The following USP24 variants were observed in gnomAD, a reference collection of about 807,000 sequenced individuals.
The protein encoded by USP24 is ubiquitin carboxyl-terminal hydrolase 24.
USP24 carries 97 observed loss-of-function variants against 361.6 expected under a neutral mutation model. That is an observed-to-expected ratio of 0.27 (90% CI 0.23 to 0.32). USP24 has a LOEUF of 0.32. Among genes scored for constraint, USP24 ranks in the 10% least tolerant of loss-of-function variants. The pLI is 1.00. For missense variants in USP24, 2,353 were observed against 3,165.6 expected, an observed-to-expected ratio of 0.74 and a Z score of 6.16; for synonymous variants, 1,098 against 1,124.6, an observed-to-expected ratio of 0.98 and a Z score of 0.47.
Position 55,095,342 on chromosome 1 carries a change from T to C in USP24, c.6116A>G (p.Tyr2039Cys), listed in dbSNP as rs778212282. 1 of 1,613,536 alleles carries C rather than the reference T, an allele frequency of 6.2e-7. No homozygotes were observed. The highest frequency in any genetic ancestry group is 8.5e-7 in the Non-Finnish European group (1 of 1,179,708). ...GGAGTTCTGATCAGACACCCTTTGGTAGAAAAGCATATAGGCATTCCAGTA... is the reference window on the plus strand; with the variant it reads ...GGAGTTCTGATCAGACACCCTTTGGCAGAAAAGCATATAGGCATTCCAGTA... ...RRYWNAYMLF[Y>C]QRVSDQNSPV... The change falls in exon 51 of 68, where the codon TAC (tyrosine) becomes TGC (cysteine). Residue 2039 changes from tyrosine (Y) to cysteine (C), a missense_variant. Physicochemically the swap from Tyr to Cys is radical, Grantham distance 194. This residue lies in a region of USP24 where 598 missense variants were observed against 761.9 expected (regional missense o/e 0.78). Coordinates refer to ENST00000294383, the MANE Select transcript of USP24 (RefSeq NM_015306.3).
chr1:55,173,246 C>T (rs1649629530), intron 3 of USP24, among the ~76,000 whole-genome samples: 1 of 151,776 alleles, frequency 6.6e-6, no homozygotes, highest in Non-Finnish European at 1.5e-5. Context: ...TTGGTATGTA[C>T]AAAATAATAT....
chr1:55,146,824 T>C (rs908485661), intron 19 of USP24, 105 bp downstream of exon 19: 69 of 1,392,134 alleles, frequency 5.0e-5, no homozygotes, highest in Non-Finnish European at 5.9e-5. Flanking sequence ...CCATACTATT[T>C]ATGCTTATAT....
Position 55,134,090 on chromosome 1 carries a change from G to C in USP24, c.3361C>G (p.Leu1121Val). ...CATACCTTTCTTCCTAAAGAATCAA[G>C]TTGATCAAGGGCTTCCTGAATGGCT... ...DPAIQEALDQ[L>V]DSLGRKKTLL... Residue 1121 changes from leucine to valine, a missense_variant, in exon 30 of 68, where the codon CTT becomes GTT. Physicochemically the swap from Leu to Val is conservative, Grantham distance 32 (BLOSUM62 1). Transcript: ENST00000294383. 6.2e-7 allele frequency: 1 copy of C among 1,613,694 alleles called. No individual in the cohort carries two copies. Among genetic ancestry groups the C allele is most frequent in the South Asian group, 1.1e-5 (1 of 91,052 alleles).
rs1644829684 is a variant in USP24, at chr1:55,066,656, C to G, written c.*2389G>C. 6.6e-6 allele frequency: 1 copy of G among 152,110 alleles called. No homozygotes were observed. 9.4% of individuals were successfully genotyped at this position (152,110 alleles called of 1,614,324 possible). A position where few individuals can be genotyped will look rare whatever the true frequency, so the allele number is the denominator to read the frequency against. On this transcript the variant is annotated 3_prime_UTR_variant, in exon 68 of 68. Transcript: ENST00000294383. ...AGTTGTCAGTGACCGTGTGAGGACT[C>G]CAGGAGAAGTCGTGGTGAGATGCCC...
intron 49 of USP24, 80 bp from the exon 50 acceptor site, chr1:55,096,702 G>A: frequency 6.6e-7 from 1 of 1,512,384 alleles, no homozygotes; most frequent in South Asian, 1.3e-5. Context: ...TCAATGTATT[G>A]TCTACAAATA....
chr1:55,116,626 AG>A (rs1444475920), intron 38 of USP24, among the ~76,000 whole-genome samples: 1 of 151,994 alleles, frequency 6.6e-6, no homozygotes, highest in Non-Finnish European at 1.5e-5. Flanking sequence ...GAAACAGAAA[AG>A]GTAAATAAAT....
At chr1:55,093,609 G>C (rs1645430201) in intron 52 of USP24, 1 of 208,466 alleles carries the variant, frequency 4.8e-6, no homozygotes, top group Non-Finnish European at 9.7e-6. Context: ...TTTCTCTCCA[G>C]ACAAAATAAG....
chr1:55,192,724 T>A (rs1238870561), intron 1 of USP24, among the ~76,000 whole-genome samples: 1 of 152,230 alleles, frequency 6.6e-6, no homozygotes, highest in Admixed American at 6.5e-5. Flanking sequence ...TCCCTGTTAA[T>A]TCAGACTAGA....
chr1:55,156,840 G>A (rs556078717), intron 12 of USP24, 108 bp downstream of exon 12: 2 of 770,358 alleles, frequency 2.6e-6, no homozygotes, highest in Non-Finnish European at 4.4e-6. Flanking sequence ...CAGCTGCTCT[G>A]TTTAAAGCAA....
chr1:55,214,622 T>G (rs1011675866), intron 1 of USP24, among the ~76,000 whole-genome samples, 168 bp downstream of exon 1: 1 of 151,896 alleles, frequency 6.6e-6, no homozygotes, highest in Non-Finnish European at 1.5e-5. Flanking sequence ...TCAAGTGACT[T>G]CGGTTCCCAA....
intron 1 of USP24, among the ~76,000 whole-genome samples, chr1:55,197,345 G>C (rs74073066): frequency 0.036 from 5,510 of 152,204 alleles, 317 homozygotes; most frequent in African/African-American, 0.13. Context: ...TTTGTTGTCT[G>C]TCTCCCCTCA....
Position 55,083,767 on chromosome 1 carries a change from T to C in USP24, c.6882+5A>G, listed in dbSNP as rs1317775378. 1.3e-6 allele frequency: 2 copies of C among 1,556,724 alleles called. No homozygotes were observed. Among genetic ancestry groups the C allele is most frequent in the South Asian group, 2.5e-5 (2 of 81,222 alleles). ...GGAAAAGATATTAGGAAAAAAATTA[T>C]TTACCTTTTGTACAAAAGTGTTGAA... On this transcript the variant is annotated splice_donor_5th_base_variant and intron_variant, in intron 57 of 67. Coordinates refer to ENST00000294383, the MANE Select transcript of USP24 (RefSeq NM_015306.3).
intron 45 of USP24, among the ~76,000 whole-genome samples, chr1:55,098,809 G>A (rs1158950700): frequency 6.6e-6 from 1 of 152,146 alleles, no homozygotes; most frequent in African/African-American, 2.4e-5. Flanking sequence ...GGGTGATTCT[G>A]AATCCTTCTC....
At chr1:55,145,868 C>T (rs1647015379) in intron 20 of USP24, 130 bp downstream of exon 20, 2 of 635,472 alleles carry the variant, frequency 3.1e-6, no homozygotes. Context: ...TCTTTAGATG[C>T]ACAAGAAAAA....
chr1:55,109,428 A>G (rs1645887348), intron 39 of USP24, among the ~76,000 whole-genome samples: 1 of 152,062 alleles, frequency 6.6e-6, no homozygotes, highest in Admixed American at 6.5e-5. Flanking sequence ...TGGGAAAGAG[A>G]TTTGCTTCTT....
intron 52 of USP24, chr1:55,093,554 ATTGTT>A (rs1452076073): frequency 1.2e-5 from 2 of 170,718 alleles, no homozygotes; most frequent in African/African-American, 4.7e-5. Flanking sequence ...ATGGCCAATG[ATTGTT>A]TTATTAGTCC....
At chr1:55,100,466 A>G (rs983664499) in intron 44 of USP24, among the ~76,000 whole-genome samples, 2 of 151,956 alleles carry the variant, frequency 1.3e-5, no homozygotes, top group Admixed American at 6.6e-5. Context: ...ATTGCACTCC[A>G]GCCTGGGCAA....
intron 55 of USP24, 137 bp downstream of exon 55, chr1:55,089,490 T>C: frequency 1.6e-6 from 1 of 632,086 alleles, no homozygotes; most frequent in Non-Finnish European, 2.7e-6. Context: ...CCTCACTGTT[T>C]CAGTGAAGAG....
intron 67 of USP24, 45 bp from the exon 68 acceptor site, chr1:55,069,152 A>C: frequency 6.2e-7 from 1 of 1,604,310 alleles, no homozygotes; most frequent in East Asian, 2.2e-5. Flanking sequence ...GTTAGAGAAA[A>C]GGTTTTCTAT....
Sources: allele counts gnomAD v4.1 joint callset (sites outside exome capture counted in the v4.1 genomes callset), GRCh38; gene constraint gnomAD v4.1.1; regional missense constraint gnomAD v4.1.1; transcripts MANE v1.5; gene names NCBI Gene and HGNC (gene_info 2026-07-23, HGNC 2026-07-21).